The following LRP4 variants were observed in gnomAD, a reference collection of about 807,000 sequenced individuals.
LRP4 encodes LDL receptor related protein 4, also known as low-density lipoprotein receptor-related protein 4.
LRP4 carries 95 observed loss-of-function variants against 220.3 expected under a neutral mutation model. The ratio of observed to expected loss-of-function variants is 0.43; its 90% CI spans 0.37 to 0.51. LRP4 has a LOEUF of 0.51. Among genes scored for constraint, LRP4 ranks in the 20% least tolerant of loss-of-function variants. LRP4 has a pLI of 0.00. For synonymous variants in LRP4, 903 were observed against 954.6 expected, an observed-to-expected ratio of 0.95 and a Z score of 1.00; for missense variants, 1,925 against 2,567.0, an observed-to-expected ratio of 0.75 and a Z score of 5.40.
chr11:46,902,786 A>G lies in LRP4; in HGVS notation c.196T>C (p.Cys66Arg). The G allele has an allele frequency of 6.2e-7, 1 of 1,613,808 alleles. No individual in the cohort carries two copies. The highest frequency in any genetic ancestry group is 8.5e-7 in the Non-Finnish European group (1 of 1,179,950). Residue 66 changes from cysteine (C) to arginine (R), a missense_variant, in exon 2 of 38, where the codon TGT becomes CGT. This residue lies in a region of LRP4 where 412 missense variants were observed against 505.4 expected (regional missense o/e 0.82). Transcript: ENST00000378623. ...CTGCCTCTGGGGAGGTACTTACTACATCCATCCTCATCGCTGTGGTCCCCG... is the reference window on the plus strand; with the variant it reads ...CTGCCTCTGGGGAGGTACTTACTACGTCCATCCTCATCGCTGTGGTCCCCG... ...DCGDHSDEDG[C>R]ILPTCSPLDF...
intron 16 of LRP4, among the ~76,000 whole-genome samples, chr11:46,888,566 A>AAAAAAAAAAAAAAAAAAT (rs1207369698): frequency 6.7e-6 from 1 of 148,748 alleles, no homozygotes; most frequent in African/African-American, 2.5e-5. Flanking sequence ...AAAAAAAAAA[A>AAAAAAAAAAAAAAAAAAT]AAAAAAAGAA....
chr11:46,857,693 A>ATTTC lies in LRP4; in HGVS notation c.*1289_*1290insGAAA, dbSNP rs904267957. ...CAGCTAGGGAGACGTTTTAGGGCAA[A>ATTTC]AATAAGTCTCAATTTCCCTGATACC... On this transcript the variant is annotated 3_prime_UTR_variant, in exon 38 of 38. Transcript: ENST00000378623. 3 of 152,472 alleles carry ATTTC rather than the reference A, an allele frequency of 2.0e-5. No individual in the cohort carries two copies. Among genetic ancestry groups the ATTTC allele is most frequent in the Admixed American group, 6.5e-5 (1 of 15,278 alleles). The allele number at this position is 152,472 out of a possible 1,614,324, so 9.4% of individuals were successfully genotyped here.
At chr11:46,884,067 C>T in intron 18 of LRP4, 91 bp from the exon 19 acceptor site, 1 of 952,974 alleles carries the variant, frequency 1.0e-6, no homozygotes, top group Non-Finnish European at 1.7e-6. Context: ...TATGCGCCAG[C>T]AGAGCACAGA....
At position 46,871,641 on chromosome 11, in the gene LRP4, G is replaced by C; in HGVS notation, c.4584-8C>G. The C allele has an allele frequency of 6.3e-7, 1 of 1,588,478 alleles. No homozygotes were observed. The highest frequency in any genetic ancestry group is 8.6e-7 in the Non-Finnish European group (1 of 1,161,056). Reference sequence around the variant, plus strand: ...GCATCCACCCAGTAGATCCTGCGAAGAAAATGAAAAGAGTGGCTGCTCCAA... The same window carrying C: ...GCATCCACCCAGTAGATCCTGCGAACAAAATGAAAAGAGTGGCTGCTCCAA... On this transcript the variant is annotated splice_polypyrimidine_tract_variant and splice_region_variant and intron_variant, in intron 30 of 37. Coordinates refer to ENST00000378623, the MANE Select transcript of LRP4 (RefSeq NM_002334.4).
intron 22 of LRP4, among the ~76,000 whole-genome samples, chr11:46,877,923 T>C (rs1247232226): frequency 2.6e-5 from 4 of 152,108 alleles, no homozygotes; most frequent in Admixed American, 2.6e-4. Flanking sequence ...AGTGGCTCTC[T>C]TTGAAGGACC....
chr11:46,864,640 C>A, intron 35 of LRP4, 105 bp from the exon 36 acceptor site: 1 of 793,772 alleles, frequency 1.3e-6, no homozygotes, highest in East Asian at 2.5e-5. Context: ...GTGTTGGACC[C>A]CATACCATCT....
intron 32 of LRP4, 61 bp downstream of exon 32, chr11:46,868,927 T>C: frequency 6.2e-7 from 1 of 1,610,338 alleles, no homozygotes; most frequent in Non-Finnish European, 8.5e-7. Flanking sequence ...CTAACAGTCC[T>C]TGGGTTGACC....
chr11:46,902,515 A>G (rs955555570), intron 2 of LRP4, among the ~76,000 whole-genome samples: 3 of 152,236 alleles, frequency 2.0e-5, no homozygotes. Context: ...GACCTATTTA[A>G]AGAAACTCCC....
At chr11:46,874,752 G>T in intron 28 of LRP4, 48 bp downstream of exon 28, 2 of 1,571,088 alleles carry the variant, frequency 1.3e-6, no homozygotes, top group South Asian at 2.2e-5. Flanking sequence ...ACCCATGGGC[G>T]ACCAGAAGCA....
intron 32 of LRP4, 128 bp downstream of exon 32, chr11:46,868,860 C>A: frequency 2.1e-6 from 3 of 1,401,342 alleles, no homozygotes; most frequent in South Asian, 1.2e-5. Context: ...GTAAAAAGTT[C>A]TAAGCGTTTA....
At position 46,875,698 on chromosome 11, in the gene LRP4, G is replaced by A; in HGVS notation, c.3700-17C>T. On this transcript the variant is annotated splice_polypyrimidine_tract_variant and intron_variant, in intron 26 of 37. Transcript: ENST00000378623. This position sits in a 1 kb window ranked among gnomAD's most constrained non-coding sequence, Gnocchi z 4.5. The stretch of plus-strand genomic sequence containing the variant: ...CTCAATTCGCTGCAGAGGAAGGAGA[G>A]GGTGGGGGGTGGTGATCAGCAGATT... 1.9e-6 allele frequency: 3 copies of A among 1,613,006 alleles called. No individual in the cohort carries two copies. Among genetic ancestry groups the A allele is most frequent in the Non-Finnish European group, 2.5e-6 (3 of 1,179,074 alleles).
At chr11:46,860,168 G>A (rs1940503836) in intron 37 of LRP4, among the ~76,000 whole-genome samples, 1 of 151,206 alleles carries the variant, frequency 6.6e-6, no homozygotes, top group African/African-American at 2.4e-5. Context: ...TCCGGAGGCT[G>A]AGGTTACAGT....
At chr11:46,898,247 G>A (rs1565799335) in intron 7 of LRP4, among the ~76,000 whole-genome samples, 2 of 152,204 alleles carry the variant, frequency 1.3e-5, no homozygotes, top group Non-Finnish European at 1.5e-5. Context: ...CTACAGGGAC[G>A]CCGTCTCGGG....
chr11:46,864,594 T>C, intron 35 of LRP4, 59 bp from the exon 36 acceptor site: 1 of 1,150,748 alleles, frequency 8.7e-7, no homozygotes, highest in South Asian at 1.2e-5. Flanking sequence ...GCGGTGCTGG[T>C]GTGAGGAATG....
intron 19 of LRP4, among the ~76,000 whole-genome samples, chr11:46,883,600 G>T (rs1208589844): frequency 6.6e-6 from 1 of 152,182 alleles, no homozygotes. Flanking sequence ...TCTGTTGGGG[G>T]CTCTCAGTTC....
chr11:46,858,671 A>C lies in LRP4; in HGVS notation c.*312T>G. The C allele has an allele frequency of 2.5e-6, 1 of 402,974 alleles. No individual in the cohort carries two copies. Among genetic ancestry groups the C allele is most frequent in the Non-Finnish European group, 4.7e-6 (1 of 211,942 alleles). The allele number at this position is 402,974 out of a possible 1,614,324, so 25.0% of individuals were successfully genotyped here. On this transcript the variant is annotated 3_prime_UTR_variant, in exon 38 of 38. Coordinates refer to ENST00000378623, the MANE Select transcript of LRP4 (RefSeq NM_002334.4). ...AAGCAGGCACTGAGGGTACTGGGGA[A>C]AGGGGAGGTGGAGCTCTACGCTGGT... is the stretch of plus-strand genomic sequence containing the variant.
intron 30 of LRP4, among the ~76,000 whole-genome samples, chr11:46,872,863 C>T (rs1320355825): frequency 2.0e-5 from 3 of 152,338 alleles, no homozygotes; most frequent in Middle Eastern, 6.8e-3. Flanking sequence ...AAGACATGCT[C>T]TGCCAAAGGC....
At chr11:46,864,050 T>C (rs917657265) in intron 36 of LRP4, among the ~76,000 whole-genome samples, 1 of 152,134 alleles carries the variant, frequency 6.6e-6, no homozygotes, top group Non-Finnish European at 1.5e-5. Context: ...ACCAATATTG[T>C]AGTAAAAGGC....
chr11:46,858,823 C>T lies in LRP4; in HGVS notation c.*160G>A. On this transcript the variant is annotated 3_prime_UTR_variant, in exon 38 of 38. Coordinates refer to ENST00000378623, the MANE Select transcript of LRP4 (RefSeq NM_002334.4). ...TCTTGTGCACAGGTAGTTATGGACT[C>T]ACGTGGTAAACAGCTCCGGTGAAGG... The T allele has an allele frequency of 1.4e-6, 1 of 715,416 alleles. No homozygotes were observed. Among genetic ancestry groups the T allele is most frequent in the South Asian group, 1.5e-5 (1 of 66,228 alleles). 44.3% of individuals were successfully genotyped at this position (715,416 alleles called of 1,614,324 possible).
Sources: gnomAD v4.1 joint callset for allele counts (sites outside exome capture counted in the v4.1 genomes callset) on GRCh38, gnomAD v4.1.1 for gene constraint, gnomAD v4.1.1 regional missense constraint, Gnocchi (gnomAD v3.1) non-coding constraint, MANE v1.5 for transcripts, NCBI Gene and HGNC (gene_info 2026-07-23, HGNC 2026-07-21) for gene names.